Variants in NUDCD1 observed in about 807,000 individuals in gnomAD.
NUDCD1 encodes NudC domain containing 1.
In NUDCD1, 60 loss-of-function variants were observed where a neutral mutation model predicts 67.8. The observed-to-expected ratio is 0.88, with a 90% CI of 0.72 to 1.10. The LOEUF (loss-of-function observed/expected upper bound fraction) is 1.10. NUDCD1 is among the 50% of genes least tolerant of loss of function. NUDCD1 has a pLI of 0.00. For synonymous variants in NUDCD1, 244 were observed against 230.8 expected (o/e 1.06, Z -0.52); for missense variants, 643 against 695.0 (o/e 0.93, Z 0.84).
At chr8:109,267,469 G>A (rs958055155) in intron 8 of NUDCD1, among the ~76,000 whole-genome samples, 8 of 152,188 alleles carry the variant, frequency 5.3e-5, no homozygotes, top group Admixed American at 1.3e-4. Flanking sequence ...GTTAGCTATT[G>A]TGGAAAGTAG....
At chr8:109,262,684 T>C (rs2926201) in intron 8 of NUDCD1, among the ~76,000 whole-genome samples, 111,941 of 151,988 alleles carry the variant, frequency 0.74, 42,302 homozygotes, top group African/African-American at 0.91. Flanking sequence ...GCTGTGCTGA[T>C]CGATCAGAAC....
chr8:109,294,084 CCA>C (rs34189109), intron 3 of NUDCD1, among the ~76,000 whole-genome samples: 54,554 of 151,674 alleles, frequency 0.36, 10,610 homozygotes, highest in South Asian at 0.5. Flanking sequence ...CTTTCTTATA[CCA>C]CAAACACAAG....
At chr8:109,277,371 A>T (rs1814314105) in intron 6 of NUDCD1, among the ~76,000 whole-genome samples, 2 of 152,136 alleles carry the variant, frequency 1.3e-5, no homozygotes, top group South Asian at 4.1e-4. Flanking sequence ...ATAATTTCCA[A>T]ACCATCATTA....
chr8:109,264,023 CTT>C lies in NUDCD1; in HGVS notation c.1299+6980_1299+6981del, dbSNP rs531438226. Among the ~76,000 whole-genome samples the C allele has an allele frequency of 6.0e-4, 91 of 152,196 alleles. 1 individual carries two copies. In the East Asian group the frequency reaches 0.013, roughly 22 times the overall value. Reference sequence around the variant, plus strand: ...TGATTAATTTTATTAAATCTTGACTCTTGAGTATATGTCTTTTTAGTATTCTG... The same window carrying C: ...TGATTAATTTTATTAAATCTTGACTCGAGTATATGTCTTTTTAGTATTCTG... On this transcript the variant is annotated intron_variant, in intron 8 of 9. Transcript: ENST00000239690.
At chr8:109,256,772 G>A (rs1022171155) in intron 8 of NUDCD1, among the ~76,000 whole-genome samples, 6 of 151,188 alleles carry the variant, frequency 4.0e-5, no homozygotes, top group Non-Finnish European at 5.9e-5. Flanking sequence ...CACTGCAAGG[G>A]AAACATCTTT....
At chr8:109,275,554 T>A in intron 6 of NUDCD1, 58 bp from the exon 7 acceptor site, 2 of 1,444,022 alleles carry the variant, frequency 1.4e-6, no homozygotes, top group Non-Finnish European at 1.9e-6. Context: ...AATTATACAA[T>A]CAGTAGCAAA....
At chr8:109,269,359 C>T (rs559970342) in intron 8 of NUDCD1, among the ~76,000 whole-genome samples, 8 of 152,300 alleles carry the variant, frequency 5.3e-5, no homozygotes, top group Admixed American at 2.6e-4. Context: ...CATTTATCTA[C>T]ACTGGTGTAA....
intron 2 of NUDCD1, among the ~76,000 whole-genome samples, chr8:109,297,150 T>C (rs141167518): frequency 1.3e-5 from 2 of 152,336 alleles, no homozygotes; most frequent in South Asian, 2.1e-4. Flanking sequence ...AGAAAACTAA[T>C]ACAATGCAGT....
chr8:109,247,579 A>C (rs562956493), intron 8 of NUDCD1, among the ~76,000 whole-genome samples: 1 of 152,340 alleles, frequency 6.6e-6, no homozygotes, highest in South Asian at 2.1e-4. Flanking sequence ...GCATATTTCC[A>C]TTATGGCGAC....
At chr8:109,311,556 G>GATATATATATATAT (rs1563681331) in intron 2 of NUDCD1, among the ~76,000 whole-genome samples, 2 of 54,000 alleles carry the variant, frequency 3.7e-5, no homozygotes, top group African/African-American at 2.5e-4. Flanking sequence ...AAGAAACTGT[G>GATATATATATATAT]GTGTATATAT....
intron 5 of NUDCD1, among the ~76,000 whole-genome samples, chr8:109,286,866 G>A (rs878998268): frequency 5.3e-5 from 8 of 151,936 alleles, no homozygotes; most frequent in Non-Finnish European, 8.8e-5. Flanking sequence ...TTGCAACTAC[G>A]CACCCAACAG....
chr8:109,316,102 A>C (rs1399376723), intron 2 of NUDCD1: 1 of 152,196 alleles, frequency 6.6e-6, no homozygotes, highest in Non-Finnish European at 1.5e-5. Context: ...TTACAGAAAT[A>C]ATTTCCTAAA....
At chr8:109,331,502 C>T (rs1362349044) in intron 1 of NUDCD1, among the ~76,000 whole-genome samples, 2 of 114,600 alleles carry the variant, frequency 1.7e-5, no homozygotes, top group Non-Finnish European at 3.3e-5. Context: ...CGCAATAGAG[C>T]AAGACTCAGA....
At chr8:109,290,972 C>T (rs1361277947) in intron 4 of NUDCD1, among the ~76,000 whole-genome samples, 1 of 152,136 alleles carries the variant, frequency 6.6e-6, no homozygotes, top group Non-Finnish European at 1.5e-5. Context: ...AAAACTCCTA[C>T]ACTTCCCCTA....
At chr8:109,320,141 C>CCATTGT (rs1213705080) in intron 2 of NUDCD1, among the ~76,000 whole-genome samples, 1 of 152,154 alleles carries the variant, frequency 6.6e-6, no homozygotes, top group East Asian at 1.9e-4. Context: ...GTTTCAGGCA[C>CCATTGT]CATTGTCATT....
intron 8 of NUDCD1, among the ~76,000 whole-genome samples, chr8:109,267,690 T>C (rs983223088): frequency 5.3e-5 from 8 of 152,224 alleles, no homozygotes; most frequent in African/African-American, 1.4e-4. Flanking sequence ...AATTAAACTC[T>C]GAAATGTGAT....
intron 1 of NUDCD1, among the ~76,000 whole-genome samples, chr8:109,323,594 G>T (rs979380239): frequency 6.6e-6 from 1 of 151,928 alleles, no homozygotes; most frequent in Non-Finnish European, 1.5e-5. Flanking sequence ...AGTTCTATTT[G>T]GGGAGATTAA....
chr8:109,243,369 A>T, intron 9 of NUDCD1, 68 bp from the exon 10 acceptor site: 2 of 1,231,636 alleles, frequency 1.6e-6, no homozygotes, highest in Non-Finnish European at 2.3e-6. Flanking sequence ...ATGATGATTT[A>T]ACATTTAATA....
At chr8:109,245,274 G>A (rs1779220676) in intron 9 of NUDCD1, 48 bp downstream of exon 9, 1 of 1,519,366 alleles carries the variant, frequency 6.6e-7, no homozygotes, top group African/African-American at 1.4e-5. Context: ...AATGAATGAT[G>A]ACTGTATTTC....
Sources: gnomAD v4.1 joint callset for allele counts (sites outside exome capture counted in the v4.1 genomes callset) on GRCh38, gnomAD v4.1.1 for gene constraint, MANE v1.5 for transcripts, NCBI Gene and HGNC (gene_info 2026-07-23, HGNC 2026-07-21) for gene names.